MBNL2: variants seen among roughly 807,000 people sequenced by gnomAD.
MBNL2 encodes muscleblind like splicing regulator 2.
Under a neutral mutation model 41.9 loss-of-function variants are expected in MBNL2, and 17 were observed. The observed-to-expected ratio is 0.41, with a 90% CI of 0.28 to 0.61. MBNL2 has a LOEUF of 0.61. MBNL2 is among the 20% of genes least tolerant of loss of function. MBNL2 has a pLI of 0.35. For missense variants in MBNL2, 336 were observed against 505.6 expected (o/e 0.66, Z 3.22); for synonymous variants, 195 against 182.9 (o/e 1.07, Z -0.53).
At chr13:97,330,400 A>G (rs2060333140) in intron 2 of MBNL2, among the ~76,000 whole-genome samples, 1 of 152,176 alleles carries the variant, frequency 6.6e-6, no homozygotes, top group South Asian at 2.1e-4. Flanking sequence ...CACCCCACAG[A>G]AGCTGCACCA....
In MBNL2 at chr13:97,331,450, T is replaced by C. The variant is rs189947429; in HGVS notation, c.175-2826T>C. ...ATTGTTTCCCATTCCCAAATCCCTA[T>C]ATATACATATCTTATTATATTTAAA... On this transcript the variant is annotated intron_variant, in intron 2 of 8. Transcript: ENST00000679496. 8.2e-4 allele frequency among the ~76,000 whole-genome samples: 125 copies of C among 152,350 alleles called. 1 individual carries two copies. Among genetic ancestry groups the C allele is most frequent in the Non-Finnish European group, 1.4e-3 (94 of 68,032 alleles).
chr13:97,373,322 A>G (rs972560893), intron 8 of MBNL2, among the ~76,000 whole-genome samples: 4 of 151,808 alleles, frequency 2.6e-5, no homozygotes, highest in Admixed American at 1.3e-4. Context: ...TAGAGGGGGG[A>G]TTCAGGTTGG....
intron 8 of MBNL2, among the ~76,000 whole-genome samples, chr13:97,382,527 G>A (rs982360172): frequency 1.3e-5 from 2 of 152,164 alleles, no homozygotes; most frequent in East Asian, 1.9e-4. Flanking sequence ...CTGTGGAGTC[G>A]GAATGGGAAG....
At chr13:97,270,289 A>G (rs758609719) in intron 1 of MBNL2, among the ~76,000 whole-genome samples, 12 of 152,246 alleles carry the variant, frequency 7.9e-5, no homozygotes, top group Non-Finnish European at 1.5e-4. Context: ...TTAACCCAAT[A>G]TATTAAAAAT....
rs1349799413 is a variant in MBNL2, at chr13:97,343,057, T to G, written c.381T>G (p.Ala127=). 2 of 1,614,110 alleles carry G rather than the reference T, an allele frequency of 1.2e-6. No individual in the cohort carries two copies. The highest frequency in any genetic ancestry group is 3.3e-5 in the Admixed American group (2 of 60,032). Residue 127 remains alanine (A), a synonymous_variant, in exon 4 of 9, where the codon GCT becomes GCG. Coordinates refer to ENST00000679496, the MANE Select transcript of MBNL2 (RefSeq NM_001382683.1). ...PVGPAIGTNT[A]ISFAPYLAPV... ...GTCCCGCGATAGGGACAAATACGGC[T>G]ATTAGCTTTGCTCCTTACCTAGCAC...
upstream of MBNL2, among the ~76,000 whole-genome samples, chr13:97,218,448 A>AAAAAAAAAC (rs1566346399): frequency 2.3e-4 from 34 of 149,062 alleles, no homozygotes; most frequent in East Asian, 2.6e-3. Context: ...AACAAAAAAA[A>AAAAAAAAAC]AAAACTGGGC....
rs2066394993 is a variant in MBNL2, at chr13:97,391,684, AAGTCCAGCC to A, written c.*239_*247del. On this transcript the variant is annotated 3_prime_UTR_variant, in exon 9 of 9. Coordinates refer to ENST00000679496, the MANE Select transcript of MBNL2 (RefSeq NM_001382683.1). ...TCTCCATAACTATAGCTGATGCAGA[AAGTCCAGCC>A]AGTTTACTCATTTCGATTCAGAATA... 1 of 389,022 alleles carries A rather than the reference AAGTCCAGCC, an allele frequency of 2.6e-6. No individual in the cohort carries two copies. Among genetic ancestry groups the A allele is most frequent in the Admixed American group, 4.7e-5 (1 of 21,168 alleles). 24.1% of individuals were successfully genotyped at this position (389,022 alleles called of 1,614,324 possible). A position where few individuals can be genotyped will look rare whatever the true frequency, so the allele number is the denominator to read the frequency against.
At chr13:97,387,123 C>T (rs2065980385) in intron 8 of MBNL2, among the ~76,000 whole-genome samples, 1 of 151,194 alleles carries the variant, frequency 6.6e-6, no homozygotes, top group Admixed American at 6.6e-5. Context: ...AATAATTTAA[C>T]TTCCTTCTCC....
chr13:97,156,668 C>T, the MBNL2 span, among the ~76,000 whole-genome samples: 2 of 145,388 alleles, frequency 1.4e-5, no homozygotes, highest in Non-Finnish European at 3.0e-5. Flanking sequence ...TTCCCCATTG[C>T]TTGTTTTTCT....
At chr13:97,338,306 C>T (rs2061064153) in intron 3 of MBNL2, among the ~76,000 whole-genome samples, 1 of 152,190 alleles carries the variant, frequency 6.6e-6, no homozygotes, top group Admixed American at 6.5e-5. Flanking sequence ...ATAAGGACTC[C>T]AGGTCCACCC....
intron 1 of MBNL2, among the ~76,000 whole-genome samples, chr13:97,267,037 G>C (rs1397082749): frequency 6.6e-6 from 1 of 152,208 alleles, no homozygotes; most frequent in Non-Finnish European, 1.5e-5. Context: ...AAGGTGGTCT[G>C]AAATTTTGAT....
In MBNL2 at chr13:97,292,200, C is replaced by CAAAAA. The variant is rs34473435; in HGVS notation, c.174+15809_174+15813dup. Among the ~76,000 whole-genome samples, 55 of 69,482 alleles carry CAAAAA rather than the reference C, an allele frequency of 7.9e-4. 1 individual carries two copies. The highest frequency in any genetic ancestry group is 2.5e-3 in the African/African-American group (55 of 21,920). The allele number at this position is 69,482 out of a possible 152,430, so 45.6% of individuals were successfully genotyped here. A position where few individuals can be genotyped will look rare whatever the true frequency, so the allele number is the denominator to read the frequency against. On this transcript the variant is annotated intron_variant, in intron 2 of 8. Transcript: ENST00000679496. ...TGGGCAACAGAGCCAGACTCCATCTCAAAAAAAAAAAAAAAAAAAAAAGTG... is the reference window on the plus strand; with the variant it reads ...TGGGCAACAGAGCCAGACTCCATCTCAAAAAAAAAAAAAAAAAAAAAAAAAAAGTG...
At chr13:97,271,122 T>G (rs1276357802) in intron 1 of MBNL2, among the ~76,000 whole-genome samples, 1 of 150,972 alleles carries the variant, frequency 6.6e-6, no homozygotes, top group Non-Finnish European at 1.5e-5. Context: ...GTTTTTTTTT[T>G]TTTGTTTTTT....
chr13:97,249,034 A>G (rs912362459), intron 1 of MBNL2, among the ~76,000 whole-genome samples: 1 of 152,214 alleles, frequency 6.6e-6, no homozygotes, highest in African/African-American at 2.4e-5. Context: ...AATTAATGTC[A>G]AGTTGTTTAT....
chr13:97,310,725 G>A (rs1242350813), intron 2 of MBNL2, among the ~76,000 whole-genome samples: 8 of 151,398 alleles, frequency 5.3e-5, no homozygotes, highest in Admixed American at 1.3e-4. Context: ...CACTGAGCCC[G>A]GCCTATAGCC....
chr13:97,178,506 G>A, the MBNL2 span, among the ~76,000 whole-genome samples: 16 of 152,278 alleles, frequency 1.1e-4, no homozygotes, highest in Admixed American at 2.0e-4. Flanking sequence ...GAGGAGAAAC[G>A]TGTGTGGGCC....
intron 2 of MBNL2, among the ~76,000 whole-genome samples, chr13:97,302,422 A>T (rs768132392): frequency 6.6e-6 from 1 of 152,096 alleles, no homozygotes; most frequent in African/African-American, 2.4e-5. Context: ...TTGGGAGGGG[A>T]AAGCCTTGGA....
chr13:97,278,251 C>CAAAAAAAA (rs10606011), intron 2 of MBNL2, among the ~76,000 whole-genome samples: 9 of 40,530 alleles, frequency 2.2e-4, no homozygotes, highest in African/African-American at 1.0e-3. Context: ...GAGACTGTCT[C>CAAAAAAAA]AAAAAAAAAA....
intron 1 of MBNL2, among the ~76,000 whole-genome samples, chr13:97,248,431 G>A (rs1050133750): frequency 3.3e-5 from 5 of 152,292 alleles, no homozygotes; most frequent in South Asian, 2.1e-4. Flanking sequence ...CACCGCACCC[G>A]GGGCCCCATA....
Sources: gnomAD v4.1 joint callset for allele counts (sites outside exome capture counted in the v4.1 genomes callset) on GRCh38, gnomAD v4.1.1 for gene constraint, MANE v1.5 for transcripts, NCBI Gene and HGNC (gene_info 2026-07-23, HGNC 2026-07-21) for gene names.